The following RAB7A variants were observed in gnomAD, a reference collection of about 807,000 sequenced individuals.
RAB7A encodes the protein RAB7A, member RAS oncogene family.
In RAB7A, 2 loss-of-function variants were observed where a neutral mutation model predicts 24.5. The observed-to-expected ratio is 0.08, with a 90% CI of 0.03 to 0.26. The LOEUF (loss-of-function observed/expected upper bound fraction) is 0.26, where lower values mean the gene tolerates loss of function less well. RAB7A is among the 10% of genes least tolerant of loss of function. RAB7A has a pLI of 1.00. For missense variants in RAB7A, 118 were observed against 255.7 expected (o/e 0.46, Z 3.67); for synonymous variants, 100 against 95.9 (o/e 1.04, Z -0.25).
chr3:128,735,560 G>C (rs2070483234), intron 1 of RAB7A, among the ~76,000 whole-genome samples: 1 of 152,214 alleles, frequency 6.6e-6, no homozygotes, highest in Non-Finnish European at 1.5e-5. Flanking sequence ...TAGTGGGCTA[G>C]GATTGAAATA....
chr3:128,812,219 A>G (rs909603668), intron 5 of RAB7A, among the ~76,000 whole-genome samples: 1 of 152,170 alleles, frequency 6.6e-6, no homozygotes, highest in South Asian at 2.1e-4. Flanking sequence ...GGTTCAAGCA[A>G]TTCTCCTGCC....
chr3:128,784,127 C>T (rs1933278683), intron 1 of RAB7A, among the ~76,000 whole-genome samples: 1 of 152,206 alleles, frequency 6.6e-6, no homozygotes, highest in South Asian at 2.1e-4. Flanking sequence ...CCTCAGTTAA[C>T]AGTGAAGCTT....
At chr3:128,773,364 C>T (rs1251370383) in intron 1 of RAB7A, among the ~76,000 whole-genome samples, 3 of 151,802 alleles carry the variant, frequency 2.0e-5, no homozygotes, top group Non-Finnish European at 2.9e-5. Flanking sequence ...ACCCGGCAGC[C>T]GCCCCGTCTG....
intron 1 of RAB7A, 91 bp from the exon 2 acceptor site, chr3:128,795,269 T>TG: frequency 1.8e-6 from 2 of 1,086,794 alleles, no homozygotes; most frequent in Non-Finnish European, 2.9e-6. Flanking sequence ...GGCCCTGCAC[T>TG]GTTGGGGCTG....
intron 1 of RAB7A, among the ~76,000 whole-genome samples, chr3:128,733,629 A>AG (rs2070459060): frequency 6.6e-6 from 1 of 152,126 alleles, no homozygotes; most frequent in Non-Finnish European, 1.5e-5. Context: ...TCTTCCCTGT[A>AG]TCTTCACAGG....
At chr3:128,751,907 G>A (rs375472876) in intron 1 of RAB7A, among the ~76,000 whole-genome samples, 3 of 152,170 alleles carry the variant, frequency 2.0e-5, no homozygotes, top group Non-Finnish European at 2.9e-5. Flanking sequence ...TAAGTCTTAC[G>A]AGATCTGATG....
Position 128,813,749 on chromosome 3 carries a change from C to T in RAB7A, c.*327C>T. The T allele has an allele frequency of 2.5e-6, 1 of 392,526 alleles. No homozygotes were observed. The highest frequency in any genetic ancestry group is 4.9e-6 in the Non-Finnish European group (1 of 204,266). The allele number at this position is 392,526 out of a possible 1,614,324, so 24.3% of individuals were successfully genotyped here. ...GGAAGTCATTCTGATATGGAGTTGG[C>T]ATTGGAAGCTTATTCTTTTTGTTCA... On this transcript the variant is annotated 3_prime_UTR_variant, in exon 6 of 6. Coordinates refer to ENST00000265062, the MANE Select transcript of RAB7A (RefSeq NM_004637.6).
chr3:128,801,234 G>A (rs956144856), intron 3 of RAB7A, among the ~76,000 whole-genome samples: 1 of 152,226 alleles, frequency 6.6e-6, no homozygotes, highest in Admixed American at 6.5e-5. Flanking sequence ...GCTGGATGCG[G>A]TGGCTCATGC....
intron 1 of RAB7A, among the ~76,000 whole-genome samples, chr3:128,734,345 C>T (rs1653749440): frequency 6.6e-6 from 1 of 150,992 alleles, no homozygotes; most frequent in Admixed American, 6.6e-5. Flanking sequence ...ACATGACAAT[C>T]GCTCGAACCT....
At chr3:128,811,738 A>C (rs142541117) in intron 5 of RAB7A, among the ~76,000 whole-genome samples, 1,815 of 152,082 alleles carry the variant, frequency 0.012, 33 homozygotes, top group African/African-American at 0.039. Context: ...AGTTCCAGCT[A>C]CTTGGGAGGC....
At chr3:128,748,800 A>C (rs1364421467) in intron 1 of RAB7A, 1 of 152,140 alleles carries the variant, frequency 6.6e-6, no homozygotes, top group Non-Finnish European at 1.5e-5. Flanking sequence ...TCTAGTTCTG[A>C]GGAAATGAAG....
At chr3:128,774,325 A>G (rs868540752) in intron 1 of RAB7A, among the ~76,000 whole-genome samples, 150 of 152,050 alleles carry the variant, frequency 9.9e-4, no homozygotes, top group African/African-American at 1.7e-3. Context: ...TATATGGCCA[A>G]AATTTTTGAT....
chr3:128,758,911 C>CA (rs2070754544), intron 1 of RAB7A, among the ~76,000 whole-genome samples: 1 of 152,138 alleles, frequency 6.6e-6, no homozygotes, highest in South Asian at 2.1e-4. Flanking sequence ...CACAAAGAAA[C>CA]AAAATCCCTG....
chr3:128,758,720 C>A lies in RAB7A; in HGVS notation c.-9+32361C>A, dbSNP rs374793453. 9.9e-5 allele frequency among the ~76,000 whole-genome samples: 15 copies of A among 152,236 alleles called. 1 individual carries two copies. Among genetic ancestry groups the A allele is most frequent in the Admixed American group, 2.6e-4 (4 of 15,306 alleles). ...TCTGAGCATTAGTTTTCTCATATAT[C>A]AGATAAAAGGGTTTGGAGTATATCA... On this transcript the variant is annotated intron_variant, in intron 1 of 5. Transcript: ENST00000265062.
At chr3:128,741,191 T>G (rs2070549979) in intron 1 of RAB7A, among the ~76,000 whole-genome samples, 1 of 152,136 alleles carries the variant, frequency 6.6e-6, no homozygotes, top group Non-Finnish European at 1.5e-5. Context: ...TTATAAACTT[T>G]ATATGGCAAG....
chr3:128,742,205 G>A (rs535660156), intron 1 of RAB7A, among the ~76,000 whole-genome samples: 588 of 151,470 alleles, frequency 3.9e-3, no homozygotes, highest in Non-Finnish European at 7.1e-3. Flanking sequence ...CGTTCCTCCC[G>A]TCTAGAGTTG....
intron 1 of RAB7A, among the ~76,000 whole-genome samples, chr3:128,761,348 C>T (rs1216877612): frequency 6.6e-6 from 1 of 152,126 alleles, no homozygotes; most frequent in African/African-American, 2.4e-5. Flanking sequence ...ATATGGCAAA[C>T]CATAGTCAAA....
rs568708819 is a variant in RAB7A at position 128,772,414 on chromosome 3, G to T, written c.-8-22946G>T. ...TGAGAGTTTATAATACTATTGTCTC[G>T]TTTTTTTTTCTTCCATAACATATTT... is the stretch of plus-strand genomic sequence containing the variant. On this transcript the variant is annotated intron_variant, in intron 1 of 5. Coordinates refer to ENST00000265062, the MANE Select transcript of RAB7A (RefSeq NM_004637.6). Among the ~76,000 whole-genome samples, 245 of 150,974 alleles carry T rather than the reference G, an allele frequency of 1.6e-3. 1 individual carries two copies. The highest frequency in any genetic ancestry group is 8.1e-4 in the Non-Finnish European group (55 of 67,620).
intron 1 of RAB7A, among the ~76,000 whole-genome samples, chr3:128,730,230 A>G (rs1345231622): frequency 6.6e-6 from 1 of 151,922 alleles, no homozygotes; most frequent in Non-Finnish European, 1.5e-5. Flanking sequence ...TTGTGTTTTA[A>G]AACTTTTTTT....
Sources: gnomAD v4.1 joint callset for allele counts (sites outside exome capture counted in the v4.1 genomes callset) on GRCh38, gnomAD v4.1.1 for gene constraint, MANE v1.5 for transcripts, NCBI Gene and HGNC (gene_info 2026-07-23, HGNC 2026-07-21) for gene names.